RANBP2: variants seen among roughly 807,000 people sequenced by gnomAD.
The protein encoded by RANBP2 is RAN binding protein 2, also known as E3 SUMO-protein ligase RanBP2.
In RANBP2, 57 loss-of-function variants were observed where a neutral mutation model predicts 303.6. The ratio of observed to expected loss-of-function variants is 0.19; its 90% confidence interval spans 0.15 to 0.23. The LOEUF (loss-of-function observed/expected upper bound fraction) is 0.23, where lower values mean the gene tolerates loss of function less well. Among genes scored for constraint, RANBP2 ranks in the 10% least tolerant of loss-of-function variants. The pLI is 1.00. For synonymous variants in RANBP2, 1,167 were observed against 1,301.5 expected, an observed-to-expected ratio of 0.90 and a Z score of 2.23; for missense variants, 3,138 against 3,780.8, an observed-to-expected ratio of 0.83 and a Z score of 4.46.
At chr2:109,581,050 T>C in the RANBP2 span, among the ~76,000 whole-genome samples, 1 of 152,324 alleles carries the variant, frequency 6.6e-6, no homozygotes, top group Admixed American at 6.5e-5. Flanking sequence ...GACAGCAAAA[T>C]ACCCATGACT....
the RANBP2 span, among the ~76,000 whole-genome samples, chr2:109,109,429 T>C: frequency 6.6e-6 from 1 of 152,214 alleles, no homozygotes; most frequent in African/African-American, 2.4e-5. Context: ...AGGACCTTAA[T>C]GGCATTTTAA....
At chr2:109,634,119 C>CAAAAAAAAAAAAAAAAAAAA in the RANBP2 span, among the ~76,000 whole-genome samples, 1 of 56,094 alleles carries the variant, frequency 1.8e-5, no homozygotes, top group Non-Finnish European at 2.9e-5. Context: ...GACTCTGTCT[C>CAAAAAAAAAAAAAAAAAAAA]AAAAAAAAAA....
At chr2:108,737,292 C>T (rs1159398926) in intron 6 of RANBP2, among the ~76,000 whole-genome samples, 2 of 150,092 alleles carry the variant, frequency 1.3e-5, no homozygotes, top group Non-Finnish European at 3.0e-5. Flanking sequence ...TTAAGGACAT[C>T]GAAGATCTTT....
the RANBP2 span, among the ~76,000 whole-genome samples, chr2:109,410,437 A>G: frequency 6.6e-6 from 1 of 152,192 alleles, no homozygotes; most frequent in African/African-American, 2.4e-5. Context: ...CCGTGCACCC[A>G]GGGGGCAGCA....
the RANBP2 span, among the ~76,000 whole-genome samples, chr2:109,498,371 C>T: frequency 6.6e-6 from 1 of 152,186 alleles, no homozygotes; most frequent in Non-Finnish European, 1.5e-5. Context: ...ATGCCTCCTC[C>T]TCTTGCCAGC....
At chr2:108,754,730 A>T (rs1676162351) in intron 15 of RANBP2, among the ~76,000 whole-genome samples, 175 bp from the exon 16 acceptor site, 1 of 151,118 alleles carries the variant, frequency 6.6e-6, no homozygotes, top group South Asian at 2.1e-4. Context: ...AATAATACAA[A>T]ACAACAGAAA....
chr2:109,607,447 C>A, the RANBP2 span, among the ~76,000 whole-genome samples: 4 of 152,170 alleles, frequency 2.6e-5, no homozygotes, highest in Non-Finnish European at 4.4e-5. Flanking sequence ...TATTATCTCT[C>A]CCCCTAAAGA....
the RANBP2 span, among the ~76,000 whole-genome samples, chr2:109,494,447 AG>A: frequency 6.6e-6 from 1 of 152,186 alleles, no homozygotes; most frequent in African/African-American, 2.4e-5. Flanking sequence ...GAGCCCTAGC[AG>A]GTCGGAGCTG....
rs1553495415 is a variant in RANBP2 at position 108,764,778 on chromosome 2, A to G, written c.4239A>G (p.Pro1413=). ...AAGATCGATTTGCATTGGTGACTCC[A>G]AAGAAAGAAGGTCACTGGGATTGTA... The part of the protein sequence containing the change: ...NVQDRFALVT[P]KKEGHWDCSI... The change falls in exon 20 of 29, where the codon CCA becomes CCG. Residue 1413 remains proline, a synonymous_variant. Coordinates refer to ENST00000283195, the MANE Select transcript of RANBP2 (RefSeq NM_006267.5). 1 of 1,614,068 alleles carries G rather than the reference A, an allele frequency of 6.2e-7. No homozygotes were observed. Among genetic ancestry groups the G allele is most frequent in the Non-Finnish European group, 8.5e-7 (1 of 1,179,962 alleles).
the RANBP2 span, among the ~76,000 whole-genome samples, chr2:109,349,384 G>A: frequency 5.3e-5 from 8 of 152,136 alleles, no homozygotes; most frequent in African/African-American, 1.7e-4. Context: ...ACAGCTTCCC[G>A]GGAAACTGCA....
the RANBP2 span, among the ~76,000 whole-genome samples, chr2:109,561,383 T>TA: frequency 6.6e-6 from 1 of 152,172 alleles, no homozygotes; most frequent in African/African-American, 2.4e-5. Context: ...GCCTCTCCTT[T>TA]AGTGCTTATA....
At chr2:109,576,005 C>G in the RANBP2 span, among the ~76,000 whole-genome samples, 1 of 152,088 alleles carries the variant, frequency 6.6e-6, no homozygotes, top group African/African-American at 2.4e-5. Context: ...ATCTGTAATC[C>G]TAGTTGTTTG....
At chr2:109,193,512 G>A in the RANBP2 span, among the ~76,000 whole-genome samples, 4 of 152,118 alleles carry the variant, frequency 2.6e-5, no homozygotes, top group Admixed American at 6.5e-5. Context: ...TACAGTTTGC[G>A]GCCTTTTTAT....
At chr2:108,759,529 A>G (rs560297691) in intron 18 of RANBP2, among the ~76,000 whole-genome samples, 11 of 152,198 alleles carry the variant, frequency 7.2e-5, no homozygotes, top group Non-Finnish European at 1.3e-4. Context: ...GATTTAGAAT[A>G]AAATCTAGTT....
chr2:109,211,775 A>T, the RANBP2 span, among the ~76,000 whole-genome samples: 1 of 151,632 alleles, frequency 6.6e-6, no homozygotes, highest in African/African-American at 2.4e-5. Flanking sequence ...CTCCCTGAGT[A>T]GCTGGGATTA....
chr2:109,268,755 G>A, the RANBP2 span, among the ~76,000 whole-genome samples: 9 of 151,476 alleles, frequency 5.9e-5, no homozygotes, highest in African/African-American at 2.2e-4. Flanking sequence ...AAAAAAAAAG[G>A]CTTTGAGTCT....
At chr2:109,133,441 G>A in the RANBP2 span, among the ~76,000 whole-genome samples, 2 of 152,168 alleles carry the variant, frequency 1.3e-5, no homozygotes, top group African/African-American at 4.8e-5. Flanking sequence ...AAGCATACAC[G>A]TGTATGATTC....
the RANBP2 span, among the ~76,000 whole-genome samples, chr2:109,110,635 G>A: frequency 3.3e-5 from 5 of 152,164 alleles, no homozygotes; most frequent in Admixed American, 3.3e-4. Flanking sequence ...AAAGATAATT[G>A]GCCCAATCTC....
chr2:109,017,517 T>G, the RANBP2 span, among the ~76,000 whole-genome samples: 1 of 152,244 alleles, frequency 6.6e-6, no homozygotes, highest in Non-Finnish European at 1.5e-5. Flanking sequence ...GCCTCTTTCC[T>G]CAGCAGCTCC....
Sources: gnomAD v4.1 joint callset for allele counts (sites outside exome capture counted in the v4.1 genomes callset) on GRCh38, gnomAD v4.1.1 for gene constraint, MANE v1.5 for transcripts, NCBI Gene and HGNC (gene_info 2026-07-23, HGNC 2026-07-21) for gene names.